KCNAB1: variants seen among roughly 807,000 people sequenced by gnomAD.
The protein encoded by KCNAB1 is voltage-gated potassium channel subunit beta-1.
Under a neutral mutation model 64.6 loss-of-function variants are expected in KCNAB1, and 35 were observed. The ratio of observed to expected loss-of-function variants is 0.54; its 90% CI spans 0.41 to 0.72. The LOEUF (loss-of-function observed/expected upper bound fraction) is 0.72, where lower values mean the gene tolerates loss of function less well. Among genes scored for constraint, KCNAB1 ranks in the 30% least tolerant of loss-of-function variants. The pLI, the probability that KCNAB1 is intolerant of heterozygous loss-of-function variation, is 0.00. For missense variants in KCNAB1, 401 were observed against 512.9 expected, an observed-to-expected ratio of 0.78 and a Z score of 2.11; for synonymous variants, 177 against 183.8, an observed-to-expected ratio of 0.96 and a Z score of 0.30.
chr3:156,262,794 T>G (rs1429854303), intron 1 of KCNAB1, among the ~76,000 whole-genome samples: 2 of 151,932 alleles, frequency 1.3e-5, no homozygotes, highest in African/African-American at 4.8e-5. Context: ...ATTCTGAGCC[T>G]GGGCTTTTCT....
At chr3:156,154,366 T>G (rs1715594277) in intron 1 of KCNAB1, among the ~76,000 whole-genome samples, 1 of 152,186 alleles carries the variant, frequency 6.6e-6, no homozygotes, top group African/African-American at 2.4e-5. Context: ...TCTTTAAGTT[T>G]ACTCTTTTCC....
chr3:156,291,046 T>C, intron 1 of KCNAB1: 2 of 985,714 alleles, frequency 2.0e-6, no homozygotes, highest in Non-Finnish European at 2.4e-6. Context: ...CAGTTCCAAC[T>C]GTTGTGCTGC....
In KCNAB1 at chr3:156,498,527, T is replaced by C. The variant is rs147303389; in HGVS notation, c.659-15837T>C. ...GCCATCCATGTAAGACGTGACTTGC[T>C]CCTCCATGTCTTCCTCCCCAGCCAT... On this transcript the variant is annotated intron_variant, in intron 8 of 13. Coordinates refer to ENST00000490337, the MANE Select transcript of KCNAB1 (RefSeq NM_172160.3). Among the ~76,000 whole-genome samples the C allele has an allele frequency of 1.6e-3, 249 of 152,294 alleles. 1 individual carries two copies. Among genetic ancestry groups the C allele is most frequent in the East Asian group, 9.2e-3 (48 of 5,192 alleles).
At chr3:156,440,349 A>C (rs1716904793) in intron 2 of KCNAB1, among the ~76,000 whole-genome samples, 1 of 152,228 alleles carries the variant, frequency 6.6e-6, no homozygotes, top group Admixed American at 6.5e-5. Context: ...GACTATGGTT[A>C]TAACATCATC....
At chr3:156,223,229 G>A (rs1208197728) in intron 1 of KCNAB1, among the ~76,000 whole-genome samples, 1 of 152,210 alleles carries the variant, frequency 6.6e-6, no homozygotes, top group Non-Finnish European at 1.5e-5. Flanking sequence ...AGGCAGTGTG[G>A]ACCCAAAGAG....
intron 1 of KCNAB1, among the ~76,000 whole-genome samples, chr3:156,180,424 A>T (rs1712727326): frequency 6.6e-6 from 1 of 152,234 alleles, no homozygotes; most frequent in Admixed American, 6.5e-5. Flanking sequence ...TTAAACTTTT[A>T]AAAGACTAGA....
chr3:156,269,690 C>CT (rs995854435), intron 1 of KCNAB1, among the ~76,000 whole-genome samples: 53 of 152,098 alleles, frequency 3.5e-4, no homozygotes, highest in Admixed American at 8.5e-4. Flanking sequence ...ATTATTGTAT[C>CT]TTTTTTCTGA....
chr3:156,347,556 C>T (rs1426932531), intron 1 of KCNAB1, among the ~76,000 whole-genome samples: 1 of 151,742 alleles, frequency 6.6e-6, no homozygotes, highest in East Asian at 1.9e-4. Context: ...CACCAGTTAG[C>T]ACATTTTATT....
intron 1 of KCNAB1, among the ~76,000 whole-genome samples, chr3:156,206,964 C>T (rs540601543): frequency 3.3e-5 from 5 of 152,186 alleles, no homozygotes; most frequent in Non-Finnish European, 7.3e-5. Flanking sequence ...ATTTGCAGGA[C>T]GTGACATTGT....
At chr3:156,218,804 T>A (rs867030612) in intron 1 of KCNAB1, among the ~76,000 whole-genome samples, 122 of 111,254 alleles carry the variant, frequency 1.1e-3, no homozygotes, top group South Asian at 1.4e-3. Flanking sequence ...AAAAAAAAAA[T>A]AATAATAAAA....
At chr3:156,143,569 G>GTTTTTTTGTTTTTTT (rs1553807970) in intron 1 of KCNAB1, 10 of 297,050 alleles carry the variant, frequency 3.4e-5, no homozygotes, top group South Asian at 1.5e-4. Flanking sequence ...TTGCATTCTT[G>GTTTTTTTGTTTTTTT]TTTTTTTTTT....
chr3:156,450,207 C>T (rs777217026), intron 2 of KCNAB1, among the ~76,000 whole-genome samples: 1 of 152,114 alleles, frequency 6.6e-6, no homozygotes, highest in Non-Finnish European at 1.5e-5. Flanking sequence ...GTTACTTGAC[C>T]GGCCTGACAT....
At chr3:156,402,317 ATTTTTCTGTTCAC>A (rs1458627561) in intron 1 of KCNAB1, among the ~76,000 whole-genome samples, 1 of 152,178 alleles carries the variant, frequency 6.6e-6, no homozygotes, top group Non-Finnish European at 1.5e-5. Flanking sequence ...TAAAGAATGT[ATTTTTCTGTTCAC>A]TTAGAGAAAG....
At chr3:156,332,668 C>G (rs886385136) in intron 1 of KCNAB1, among the ~76,000 whole-genome samples, 1 of 152,190 alleles carries the variant, frequency 6.6e-6, no homozygotes, top group Non-Finnish European at 1.5e-5. Flanking sequence ...TTCCCTCCAG[C>G]AATCAGAGCA....
chr3:156,532,058 C>T (rs1395667210), intron 13 of KCNAB1, among the ~76,000 whole-genome samples: 2 of 152,154 alleles, frequency 1.3e-5, no homozygotes, highest in Non-Finnish European at 2.9e-5. Context: ...CCTTAGTTAA[C>T]ACTCAAGATC....
intron 1 of KCNAB1, among the ~76,000 whole-genome samples, chr3:156,386,020 A>G (rs893457947): frequency 6.6e-6 from 1 of 152,208 alleles, no homozygotes; most frequent in African/African-American, 2.4e-5. Flanking sequence ...AAGGTATCCA[A>G]GTTACCAGCA....
chr3:156,175,513 G>A (rs376250892), intron 1 of KCNAB1, among the ~76,000 whole-genome samples: 11 of 152,110 alleles, frequency 7.2e-5, no homozygotes, highest in African/African-American at 2.4e-4. Context: ...CCAGCTACTC[G>A]GAGGCTGAGG....
chr3:156,192,830 G>T (rs1444440494), intron 1 of KCNAB1, among the ~76,000 whole-genome samples: 1 of 151,988 alleles, frequency 6.6e-6, no homozygotes, highest in East Asian at 1.9e-4. Context: ...TTAGTATTAT[G>T]ATAGTAAATA....
intron 1 of KCNAB1, among the ~76,000 whole-genome samples, chr3:156,205,773 G>C (rs1030803167): frequency 6.6e-6 from 1 of 152,064 alleles, no homozygotes; most frequent in Non-Finnish European, 1.5e-5. Flanking sequence ...CTAAAATATG[G>C]ATCTGGCCTT....
Sources: gnomAD v4.1 joint callset for allele counts (sites outside exome capture counted in the v4.1 genomes callset) on GRCh38, gnomAD v4.1.1 for gene constraint, MANE v1.5 for transcripts, NCBI Gene and HGNC (gene_info 2026-07-23, HGNC 2026-07-21) for gene names.